Variants in ARHGAP42 observed in about 807,000 individuals in gnomAD.
ARHGAP42 encodes the protein rho GTPase-activating protein 42.
A neutral mutation model predicts 125.0 loss-of-function variants in ARHGAP42; 63 were observed. That is an observed-to-expected ratio of 0.50 (90% CI 0.41 to 0.62). ARHGAP42 has a LOEUF of 0.62. ARHGAP42 is among the 20% of genes least tolerant of loss of function. The pLI is 0.00. For missense variants in ARHGAP42, 766 were observed against 1,024.2 expected (o/e 0.75, Z 3.44); for synonymous variants, 339 against 351.0 (o/e 0.97, Z 0.38).
At chr11:100,950,985 G>A (rs188387032) in intron 12 of ARHGAP42, among the ~76,000 whole-genome samples, 2 of 151,940 alleles carry the variant, frequency 1.3e-5, no homozygotes, top group Admixed American at 6.6e-5. Flanking sequence ...CAAAGTGCTG[G>A]GATTACAGGC....
chr11:100,810,345 G>A (rs1864106777), intron 3 of ARHGAP42, among the ~76,000 whole-genome samples: 1 of 152,154 alleles, frequency 6.6e-6, no homozygotes, highest in South Asian at 2.1e-4. Flanking sequence ...TCAACTGATA[G>A]CAATTTGGTT....
intron 1 of ARHGAP42, among the ~76,000 whole-genome samples, chr11:100,741,654 C>T (rs1173791770): frequency 6.6e-6 from 1 of 152,116 alleles, no homozygotes; most frequent in Non-Finnish European, 1.5e-5. Flanking sequence ...AAGCAAAGTG[C>T]CAGGTAGAGG....
chr11:100,860,418 C>A (rs1370475302), intron 4 of ARHGAP42, among the ~76,000 whole-genome samples: 1 of 152,040 alleles, frequency 6.6e-6, no homozygotes, highest in Non-Finnish European at 1.5e-5. Flanking sequence ...TTCACCATCT[C>A]CAATTATGTC....
chr11:100,784,044 G>C (rs1462993746), intron 2 of ARHGAP42, among the ~76,000 whole-genome samples: 1 of 152,144 alleles, frequency 6.6e-6, no homozygotes, highest in African/African-American at 2.4e-5. Flanking sequence ...AGCCAGAGAA[G>C]GGATTTCCAG....
chr11:100,707,527 ACT>A (rs1225686201), intron 1 of ARHGAP42, among the ~76,000 whole-genome samples: 1 of 152,164 alleles, frequency 6.6e-6, no homozygotes, highest in Non-Finnish European at 1.5e-5. Context: ...ACTATTTTAA[ACT>A]CTCATCATCA....
At chr11:100,752,507 G>A (rs1457026449) in intron 1 of ARHGAP42, among the ~76,000 whole-genome samples, 1 of 152,152 alleles carries the variant, frequency 6.6e-6, no homozygotes, top group Admixed American at 6.5e-5. Flanking sequence ...TCTTCCCTAG[G>A]GGTAGGAGTC....
chr11:100,833,780 A>C (rs893467068), intron 3 of ARHGAP42, among the ~76,000 whole-genome samples: 2 of 152,126 alleles, frequency 1.3e-5, no homozygotes, highest in African/African-American at 4.8e-5. Flanking sequence ...ATTGTTTCAT[A>C]TATGTTAGAA....
At chr11:100,687,875 G>C in intron 1 of ARHGAP42, 43 bp downstream of exon 1, 1 of 1,497,538 alleles carries the variant, frequency 6.7e-7, no homozygotes, top group Non-Finnish European at 9.0e-7. Flanking sequence ...CATCTGGAGA[G>C]TCCCCGCGGG....
intron 22 of ARHGAP42, 141 bp from the exon 23 acceptor site, chr11:100,987,372 G>A (rs148984521): frequency 2.0e-5 from 13 of 659,898 alleles, no homozygotes; most frequent in African/African-American, 5.5e-5. Flanking sequence ...AAAAAGCACC[G>A]ATGTACACTC....
intron 2 of ARHGAP42, among the ~76,000 whole-genome samples, chr11:100,793,512 C>T (rs1863624237): frequency 6.6e-6 from 1 of 152,160 alleles, no homozygotes; most frequent in African/African-American, 2.4e-5. Context: ...ATGAAATAAT[C>T]ATAGGGTTTA....
intron 3 of ARHGAP42, among the ~76,000 whole-genome samples, chr11:100,846,020 T>A (rs1445341851): frequency 6.6e-6 from 1 of 152,198 alleles, no homozygotes; most frequent in Non-Finnish European, 1.5e-5. Context: ...TTCTCCCTGC[T>A]GTATCCCCAG....
rs1858856324 is a variant in ARHGAP42, at chr11:100,992,364, A to G, written c.*3563A>G. 1.9e-6 allele frequency: 3 copies of G among 1,613,810 alleles called. No homozygotes were observed. The East Asian group carries it at 6.7e-5, about 36-fold the overall frequency. Reference sequence around the variant, plus strand: ...AATCACATCTCCTGGTCAGGTCACGAAAAAGAACACAGGCTTGACTATTGT... The same window carrying G: ...AATCACATCTCCTGGTCAGGTCACGGAAAAGAACACAGGCTTGACTATTGT... On this transcript the variant is annotated 3_prime_UTR_variant, in exon 24 of 24. Coordinates refer to ENST00000298815, the MANE Select transcript of ARHGAP42 (RefSeq NM_152432.4).
chr11:100,933,148 C>T lies in ARHGAP42; in HGVS notation c.598-8C>T. The T allele has an allele frequency of 6.5e-7, 1 of 1,536,320 alleles. No individual in the cohort carries two copies. Among genetic ancestry groups the T allele is most frequent in the Non-Finnish European group, 8.8e-7 (1 of 1,136,438 alleles). On this transcript the variant is annotated splice_polypyrimidine_tract_variant and splice_region_variant and intron_variant, in intron 6 of 23. Coordinates refer to ENST00000298815, the MANE Select transcript of ARHGAP42 (RefSeq NM_152432.4). ...TTTCATGGTTTCTTTATCTCTTTAT[C>T]TTTGCAGCTTTTGTCATTTCTTCAG...
chr11:100,928,331 C>G (rs1439750509), intron 6 of ARHGAP42, among the ~76,000 whole-genome samples: 1 of 152,096 alleles, frequency 6.6e-6, no homozygotes, highest in African/African-American at 2.4e-5. Flanking sequence ...CATGGTTGCT[C>G]ACACCTGTAA....
rs774810548 is a variant in ARHGAP42, at chr11:100,992,696, T to C, written c.*3895T>C. ...CGTTGGGAAAATGCAGGTTTATGAA[T>C]GATGTGGACTTTTAGAGGATCAAAT... On this transcript the variant is annotated 3_prime_UTR_variant, in exon 24 of 24. Coordinates refer to ENST00000298815, the MANE Select transcript of ARHGAP42 (RefSeq NM_152432.4). The C allele has an allele frequency of 1.3e-6, 2 of 1,574,148 alleles. No homozygotes were observed. The highest frequency in any genetic ancestry group is 1.7e-4 in the Middle Eastern group (1 of 5,854).
chr11:100,812,720 A>G (rs534198792), intron 3 of ARHGAP42, among the ~76,000 whole-genome samples: 9 of 152,338 alleles, frequency 5.9e-5, no homozygotes, highest in Middle Eastern at 3.4e-3. Context: ...AAGTGCTCGG[A>G]CTGTTTGAGG....
chr11:100,839,211 C>G (rs1408636915), intron 3 of ARHGAP42, among the ~76,000 whole-genome samples: 1 of 152,084 alleles, frequency 6.6e-6, no homozygotes, highest in Non-Finnish European at 1.5e-5. Context: ...TATTTGTGTT[C>G]CTAAGATATA....
At chr11:100,711,442 C>CCT (rs774602005) in intron 1 of ARHGAP42, among the ~76,000 whole-genome samples, 1 of 152,090 alleles carries the variant, frequency 6.6e-6, no homozygotes, top group African/African-American at 2.4e-5. Context: ...GCAGCCTTGC[C>CCT]CTCCTAGGCT....
intron 3 of ARHGAP42, among the ~76,000 whole-genome samples, chr11:100,828,802 C>A (rs1389740594): frequency 3.3e-5 from 5 of 151,924 alleles, no homozygotes; most frequent in Admixed American, 3.3e-4. Context: ...ATCCTCCCGC[C>A]TTGGCCTCCC....
Sources: gnomAD v4.1 joint callset for allele counts (sites outside exome capture counted in the v4.1 genomes callset) on GRCh38, gnomAD v4.1.1 for gene constraint, MANE v1.5 for transcripts, NCBI Gene and HGNC (gene_info 2026-07-23, HGNC 2026-07-21) for gene names.